The following ZNF706 variants were observed in gnomAD, a reference collection of about 807,000 sequenced individuals.
ZNF706 encodes the protein transcriptional regulator ZNF706.
A neutral mutation model predicts 9.2 loss-of-function variants in ZNF706; 4 were observed. The ratio of observed to expected loss-of-function variants is 0.43; its 90% CI spans 0.21 to 0.99. The LOEUF is 0.99. Ranked by LOEUF, ZNF706 falls within the 50% of genes least tolerant of loss-of-function variation. The pLI, the probability that ZNF706 is intolerant of heterozygous loss-of-function variation, is 0.26. For synonymous variants in ZNF706, 28 were observed against 27.3 expected (o/e 1.03, Z -0.08); for missense variants, 27 against 87.8 (o/e 0.31, Z 2.77).
rs1008985263 is a variant in ZNF706 at position 101,201,493 on chromosome 8, T to C, written c.135+114A>G. 18 of 970,722 alleles carry C rather than the reference T, an allele frequency of 1.9e-5. No individual in the cohort carries two copies. The highest frequency in any genetic ancestry group is 6.8e-4 in the Middle Eastern group (2 of 2,950). The allele number at this position is 970,722 out of a possible 1,614,324, so 60.1% of individuals were successfully genotyped here. A position where few individuals can be genotyped will look rare whatever the true frequency, so the allele number is the denominator to read the frequency against. On this transcript the variant is annotated intron_variant, in intron 2 of 3. Transcript: ENST00000311212. The surrounding 1 kb of genome is among the most constrained non-coding windows in gnomAD (Gnocchi z 4.5). The stretch of plus-strand genomic sequence containing the variant: ...AATAGATACCTAAAATAATCAGCTC[T>C]CAAACCTACTATTTCATGTAAAGCA...
intron 1 of ZNF706, chr8:101,204,531 G>T: frequency 2.7e-6 from 2 of 751,828 alleles, no homozygotes; most frequent in Non-Finnish European, 3.2e-6. Flanking sequence ...CTTTTGGACA[G>T]CTCAACTTAG....
chr8:101,203,099 G>C (rs778194113), intron 1 of ZNF706: 11 of 151,934 alleles, frequency 7.2e-5, no homozygotes, highest in African/African-American at 1.5e-4. Context: ...TGGTTAAGAG[G>C]GTTCTTTTAC....
intron 3 of ZNF706, 40 bp downstream of exon 3, chr8:101,199,950 C>T: frequency 7.0e-7 from 1 of 1,426,342 alleles, no homozygotes; most frequent in Non-Finnish European, 9.9e-7. Context: ...TTGTATACAA[C>T]CCTGTTATTA....
Position 101,205,499 on chromosome 8 carries a change from G to C in ZNF706, c.-67C>G, listed in dbSNP as rs1455923214. ...GCGAGAGGGCCGGGAGAGGACGCCG[G>C]AGGGAAAGGAAGGGGGAGCGCGCCC... On this transcript the variant is annotated 5_prime_UTR_variant, in exon 1 of 4. Transcript: ENST00000311212. This position sits in a 1 kb window ranked among gnomAD's most constrained non-coding sequence, Gnocchi z 6.6. 2 of 154,766 alleles carry C rather than the reference G, an allele frequency of 1.3e-5. No homozygotes were observed. Among genetic ancestry groups the C allele is most frequent in the African/African-American group, 2.4e-5 (1 of 41,416 alleles). 9.6% of individuals were successfully genotyped at this position (154,766 alleles called of 1,614,324 possible). A position where few individuals can be genotyped will look rare whatever the true frequency, so the allele number is the denominator to read the frequency against.
rs1382261563 is a variant in ZNF706, at chr8:101,201,197, C to T, written c.135+410G>A. On this transcript the variant is annotated intron_variant, in intron 2 of 3. Coordinates refer to ENST00000311212, the MANE Select transcript of ZNF706 (RefSeq NM_016096.5). The surrounding 1 kb of genome is among the most constrained non-coding windows in gnomAD (Gnocchi z 4.5). ...GAAAAGCTCTCAACGTGATTATACTCTATATGGTTTTACAGACATCCTAAT... is the reference window on the plus strand; with the variant it reads ...GAAAAGCTCTCAACGTGATTATACTTTATATGGTTTTACAGACATCCTAAT... The T allele has an allele frequency of 5.8e-6, 1 of 173,388 alleles. No homozygotes were observed. The highest frequency in any genetic ancestry group is 1.2e-5 in the Non-Finnish European group (1 of 80,180). The allele number at this position is 173,388 out of a possible 1,614,324, so 10.7% of individuals were successfully genotyped here.
At chr8:101,203,461 G>C (rs1810638334) in intron 1 of ZNF706, 1 of 152,038 alleles carries the variant, frequency 6.6e-6, no homozygotes, top group Non-Finnish European at 1.5e-5. Flanking sequence ...TTAGTTAATG[G>C]ATATGAGGTC....
chr8:101,197,555 T>C lies in ZNF706; in HGVS notation c.*1697A>G, dbSNP rs1399834740. 6.6e-6 allele frequency: 1 copy of C among 151,636 alleles called. No homozygotes were observed. Among genetic ancestry groups the C allele is most frequent in the African/African-American group, 2.4e-5 (1 of 41,302 alleles). 9.4% of individuals were successfully genotyped at this position (151,636 alleles called of 1,614,324 possible). On this transcript the variant is annotated 3_prime_UTR_variant, in exon 4 of 4. Transcript: ENST00000311212. ...AAACGAAAAAAAAAAAACCAAAACT[T>C]GTGAATGGTTTTATATGATTTGTCA...
intron 2 of ZNF706, chr8:101,200,940 T>C (rs764234899): frequency 5.1e-5 from 12 of 233,568 alleles, no homozygotes; most frequent in Non-Finnish European, 1.1e-4. Context: ...AGATTCCAGC[T>C]CTTCTACTAA....
chr8:101,203,407 C>A (rs1208221044), intron 1 of ZNF706: 1 of 152,100 alleles, frequency 6.6e-6, no homozygotes, highest in East Asian at 1.9e-4. Context: ...TTTGTATCAA[C>A]TTCACCAGGG....
intron 2 of ZNF706, chr8:101,200,761 T>C (rs1364220039): frequency 6.5e-6 from 1 of 154,090 alleles, no homozygotes; most frequent in Non-Finnish European, 1.4e-5. Flanking sequence ...ATATGTAGTG[T>C]ACTAACTCCA....
rs1810394435 is a variant in ZNF706 at position 101,197,227 on chromosome 8, A to T, written c.*2025T>A. 6.6e-6 allele frequency: 1 copy of T among 152,196 alleles called. No homozygotes were observed. Among genetic ancestry groups the T allele is most frequent in the Non-Finnish European group, 1.5e-5 (1 of 68,024 alleles). The allele number at this position is 152,196 out of a possible 1,614,324, so 9.4% of individuals were successfully genotyped here. A position where few individuals can be genotyped will look rare whatever the true frequency, so the allele number is the denominator to read the frequency against. ...CATACAAATGGACCAATTCTCTCTC[A>T]GTGTTATTTTATCAAGTCTTTGAAG... On this transcript the variant is annotated 3_prime_UTR_variant, in exon 4 of 4. Transcript: ENST00000311212.
chr8:101,197,581 C>A lies in ZNF706; in HGVS notation c.*1671G>T, dbSNP rs191888060. 6 of 150,978 alleles carry A rather than the reference C, an allele frequency of 4.0e-5. No homozygotes were observed. The highest frequency in any genetic ancestry group is 6.6e-5 in the Admixed American group (1 of 15,156). 9.4% of individuals were successfully genotyped at this position (150,978 alleles called of 1,614,324 possible). A position where few individuals can be genotyped will look rare whatever the true frequency, so the allele number is the denominator to read the frequency against. ...GTGAATGGTTTTATATGATTTGTCACTAAACATATACATATGCTCAAAGCA... is the reference window on the plus strand; with the variant it reads ...GTGAATGGTTTTATATGATTTGTCAATAAACATATACATATGCTCAAAGCA... On this transcript the variant is annotated 3_prime_UTR_variant, in exon 4 of 4. Coordinates refer to ENST00000311212, the MANE Select transcript of ZNF706 (RefSeq NM_016096.5).
chr8:101,200,300 T>C, intron 2 of ZNF706: 1 of 477,664 alleles, frequency 2.1e-6, no homozygotes, highest in Non-Finnish European at 3.8e-6. Context: ...TAAAGAAAGG[T>C]AGGTCACATA....
chr8:101,204,632 T>C, intron 1 of ZNF706: 3 of 985,424 alleles, frequency 3.0e-6, no homozygotes, highest in Non-Finnish European at 3.6e-6. Flanking sequence ...AGGGAAAAAG[T>C]CACTTACAAA....
At position 101,197,454 on chromosome 8, in the gene ZNF706, G is replaced by A. The variant is rs1810402100; in HGVS notation, c.*1798C>T. The A allele has an allele frequency of 6.6e-6, 1 of 151,774 alleles. No individual in the cohort carries two copies. Among genetic ancestry groups the A allele is most frequent in the Admixed American group, 6.6e-5 (1 of 15,240 alleles). 9.4% of individuals were successfully genotyped at this position (151,774 alleles called of 1,614,324 possible). A position where few individuals can be genotyped will look rare whatever the true frequency, so the allele number is the denominator to read the frequency against. ...ATCACTGAGATATAGTGTTAAATAT[G>A]GTGTCTTCAGCTGCTTATAAAAAAG... On this transcript the variant is annotated 3_prime_UTR_variant, in exon 4 of 4. Coordinates refer to ENST00000311212, the MANE Select transcript of ZNF706 (RefSeq NM_016096.5).
intron 2 of ZNF706, 36 bp from the exon 3 acceptor site, chr8:101,200,133 A>G: frequency 6.6e-7 from 1 of 1,510,992 alleles, no homozygotes. Flanking sequence ...GCTAGACTTT[A>G]TTTATAAAAT....
rs1435569782 is a variant in ZNF706 at position 101,199,119 on chromosome 8, A to T, written c.*133T>A. ...CATGAAGCCCAAGAGGGAACAGCATAAAAATGAGTGTTTCTGTAGCCCCTT... is the reference window on the plus strand; with the variant it reads ...CATGAAGCCCAAGAGGGAACAGCATTAAAATGAGTGTTTCTGTAGCCCCTT... On this transcript the variant is annotated 3_prime_UTR_variant, in exon 4 of 4. Transcript: ENST00000311212. 1.5e-6 allele frequency: 1 copy of T among 645,192 alleles called. No individual in the cohort carries two copies. Among genetic ancestry groups the T allele is most frequent in the Non-Finnish European group, 2.8e-6 (1 of 356,448 alleles). The allele number at this position is 645,192 out of a possible 1,614,324, so 40.0% of individuals were successfully genotyped here.
intron 2 of ZNF706, among the ~76,000 whole-genome samples, chr8:101,200,546 T>C (rs1015186076): frequency 1.3e-5 from 2 of 152,214 alleles, no homozygotes; most frequent in Admixed American, 6.5e-5. Flanking sequence ...CTGACTTCCC[T>C]TGGCAAGAAC....
chr8:101,203,782 T>C (rs1810649766), intron 1 of ZNF706: 1 of 152,216 alleles, frequency 6.6e-6, no homozygotes, highest in Non-Finnish European at 1.5e-5. Flanking sequence ...TATCAGTCCT[T>C]GAAGACTAAG....
Sources: gnomAD v4.1 joint callset for allele counts (sites outside exome capture counted in the v4.1 genomes callset) on GRCh38, gnomAD v4.1.1 for gene constraint, Gnocchi (gnomAD v3.1) non-coding constraint, MANE v1.5 for transcripts, NCBI Gene and HGNC (gene_info 2026-07-23, HGNC 2026-07-21) for gene names.